PDZRN3: variants seen among roughly 807,000 people sequenced by gnomAD.
PDZRN3 encodes E3 ubiquitin-protein ligase PDZRN3.
In PDZRN3, 38 loss-of-function variants were observed where a neutral mutation model predicts 85.7. That is an observed-to-expected ratio of 0.44 (90% CI 0.34 to 0.58). The LOEUF (loss-of-function observed/expected upper bound fraction) is 0.58. PDZRN3 is among the 20% of genes least tolerant of loss of function. The probability of loss-of-function intolerance (pLI) is 0.01; values close to 1 mark genes in which losing one functional copy is unlikely to be tolerated. For synonymous variants in PDZRN3, 759 were observed against 638.0 expected, an observed-to-expected ratio of 1.19 and a Z score of -2.86; for missense variants, 1,629 against 1,506.4, an observed-to-expected ratio of 1.08 and a Z score of -1.35.
In PDZRN3 at chr3:73,566,515, A is replaced by G. The variant is rs116457093; in HGVS notation, c.918+35839T>C. ...AATGCTCATTATTTGAGAGTAAGAA[A>G]ATGTATCCATAAAGGGGGGTTCCAG... On this transcript the variant is annotated intron_variant, in intron 3 of 9. Coordinates refer to ENST00000263666, the MANE Select transcript of PDZRN3 (RefSeq NM_015009.3). Among the ~76,000 whole-genome samples the G allele has an allele frequency of 5.3e-3, 813 of 152,310 alleles. 7 individuals are homozygous for G. Among genetic ancestry groups the G allele is most frequent in the African/African-American group, 0.019 (786 of 41,560 alleles).
rs138626086 is a variant in PDZRN3 at position 73,447,598 on chromosome 3, T to C, written c.919-43203A>G. On this transcript the variant is annotated intron_variant, in intron 3 of 9. Transcript: ENST00000263666. ...ATCTGGGGTCATAATGACCTCCCAA[T>C]TGCCGCAACCAAGAGCTTGTTGTAA... Among the ~76,000 whole-genome samples, 44 of 152,306 alleles carry C rather than the reference T, an allele frequency of 2.9e-4. No individual in the cohort carries two copies. The East Asian group carries it at 8.3e-3, about 29-fold the overall frequency.
At chr3:73,501,426 A>G (rs1413067805) in intron 3 of PDZRN3, among the ~76,000 whole-genome samples, 1 of 151,944 alleles carries the variant, frequency 6.6e-6, no homozygotes, top group African/African-American at 2.4e-5. Flanking sequence ...CATCCATCCC[A>G]TCTCCAGCTT....
intron 3 of PDZRN3, among the ~76,000 whole-genome samples, chr3:73,458,496 C>A (rs1054549577): frequency 1.3e-5 from 2 of 149,702 alleles, no homozygotes; most frequent in African/African-American, 2.5e-5. Context: ...TTTTCTCCAA[C>A]GTTTATGCTT....
intron 4 of PDZRN3, among the ~76,000 whole-genome samples, chr3:73,403,869 A>G (rs1448415790): frequency 6.6e-6 from 1 of 152,238 alleles, no homozygotes; most frequent in East Asian, 1.9e-4. Flanking sequence ...TGGGGTGATT[A>G]CATTTTATTC....
In PDZRN3 at chr3:73,530,940, C is replaced by T. The variant is rs145904979; in HGVS notation, c.918+71414G>A. 1.1e-3 allele frequency among the ~76,000 whole-genome samples: 165 copies of T among 152,214 alleles called. 1 individual carries two copies. Among genetic ancestry groups the T allele is most frequent in the African/African-American group, 3.7e-3 (152 of 41,548 alleles). ...AAAGGTTATTACTTGACTATAATTT[C>T]TAATTATCTTTACTTTATCAAGAGT... On this transcript the variant is annotated intron_variant, in intron 3 of 9. Transcript: ENST00000263666.
At chr3:73,401,582 C>T (rs1701750468) in intron 4 of PDZRN3, among the ~76,000 whole-genome samples, 1 of 152,158 alleles carries the variant, frequency 6.6e-6, no homozygotes, top group African/African-American at 2.4e-5. Context: ...AACATGTAGG[C>T]ATAAGTGCAT....
chr3:73,481,155 T>C (rs920569913), intron 3 of PDZRN3, among the ~76,000 whole-genome samples: 1 of 152,182 alleles, frequency 6.6e-6, no homozygotes, highest in African/African-American at 2.4e-5. Context: ...CTCTAATGAT[T>C]CCTACATGGC....
chr3:73,415,212 T>C (rs1364603432), intron 3 of PDZRN3, among the ~76,000 whole-genome samples: 1 of 152,106 alleles, frequency 6.6e-6, no homozygotes. Context: ...GGAGGTCCCC[T>C]GAGGAACAGG....
At chr3:73,469,657 A>G (rs1045661972) in intron 3 of PDZRN3, among the ~76,000 whole-genome samples, 3 of 151,958 alleles carry the variant, frequency 2.0e-5, no homozygotes, top group African/African-American at 7.3e-5. Flanking sequence ...GCAACACAAT[A>G]CCCCAGGGCA....
intron 3 of PDZRN3, among the ~76,000 whole-genome samples, chr3:73,578,482 A>C (rs1256628225): frequency 1.3e-5 from 2 of 152,124 alleles, no homozygotes; most frequent in African/African-American, 4.8e-5. Context: ...CCATTCTTTC[A>C]AGGTACCTTT....
rs76362636 is a variant in PDZRN3, at chr3:73,397,267, G to A, written c.1254+3655C>T. On this transcript the variant is annotated intron_variant, in intron 5 of 9. Coordinates refer to ENST00000263666, the MANE Select transcript of PDZRN3 (RefSeq NM_015009.3). ...CAACACACTCATACATATTTTCCTC[G>A]TATATAATATCCATGGAACTAGCTG... Among the ~76,000 whole-genome samples, 1,234 of 152,166 alleles carry A rather than the reference G, an allele frequency of 8.1e-3. 9 individuals are homozygous for A. The highest frequency in any genetic ancestry group is 0.019 in the African/African-American group (806 of 41,532).
chr3:73,513,913 T>C (rs1475601357), intron 3 of PDZRN3, among the ~76,000 whole-genome samples: 1 of 152,248 alleles, frequency 6.6e-6, no homozygotes, highest in African/African-American at 2.4e-5. Flanking sequence ...TTTGTTTCTA[T>C]ATACAAGGTT....
intron 3 of PDZRN3, among the ~76,000 whole-genome samples, chr3:73,473,470 A>C (rs1703387896): frequency 6.6e-6 from 1 of 152,112 alleles, no homozygotes; most frequent in South Asian, 2.1e-4. Context: ...AAAGAGGAAA[A>C]AAAAAAACAG....
At chr3:73,504,911 G>A (rs1226188980) in intron 3 of PDZRN3, among the ~76,000 whole-genome samples, 1 of 152,158 alleles carries the variant, frequency 6.6e-6, no homozygotes, top group Non-Finnish European at 1.5e-5. Flanking sequence ...GGCTTCCTGG[G>A]AAATTCTCTC....
chr3:73,480,619 C>T (rs140350291), intron 3 of PDZRN3, among the ~76,000 whole-genome samples: 4 of 152,174 alleles, frequency 2.6e-5, no homozygotes, highest in African/African-American at 9.7e-5. Context: ...CCAGAGTGCA[C>T]GCTTGCCTCT....
In PDZRN3 at chr3:73,385,752, C is replaced by T. The variant is rs759705239; in HGVS notation, c.1552G>A (p.Asp518Asn). 1 of 1,613,718 alleles carries T rather than the reference C, an allele frequency of 6.2e-7. No homozygotes were observed. Among genetic ancestry groups the T allele is most frequent in the Non-Finnish European group, 8.5e-7 (1 of 1,179,626 alleles). ...TCCATGTGCAGGTCATCCAGAAAGT[C>T]GTTCCTGTCATCATCCATCCAGCCC... ...DEGWMDDDRNDFLDDLHMDML... is the reference protein window; with the variant it reads ...DEGWMDDDRNNFLDDLHMDML... The change falls in exon 9 of 10, where the codon GAC (aspartate) becomes AAC (asparagine). Residue 518 changes from aspartate to asparagine, a missense_variant. Transcript: ENST00000263666.
At chr3:73,471,906 T>A (rs1003563484) in intron 3 of PDZRN3, among the ~76,000 whole-genome samples, 2 of 152,198 alleles carry the variant, frequency 1.3e-5, no homozygotes, top group African/African-American at 2.4e-5. Context: ...TATTTAGTAA[T>A]CACTGAAACA....
intron 5 of PDZRN3, among the ~76,000 whole-genome samples, chr3:73,399,407 G>T (rs1396514443): frequency 6.6e-6 from 1 of 152,122 alleles, no homozygotes; most frequent in Admixed American, 6.5e-5. Context: ...GGGAAATTCT[G>T]CCCACTCCCC....
At chr3:73,621,034 G>C (rs1055295579) in intron 1 of PDZRN3, among the ~76,000 whole-genome samples, 2 of 152,230 alleles carry the variant, frequency 1.3e-5, no homozygotes, top group Non-Finnish European at 2.9e-5. Context: ...GCTACTTAAA[G>C]GACCAGCATC....
Sources: gnomAD v4.1 joint callset for allele counts (sites outside exome capture counted in the v4.1 genomes callset) on GRCh38, gnomAD v4.1.1 for gene constraint, MANE v1.5 for transcripts, NCBI Gene and HGNC (gene_info 2026-07-23, HGNC 2026-07-21) for gene names.